POU6F2: variants seen among roughly 807,000 people sequenced by gnomAD.
POU6F2 encodes POU class 6 homeobox 2.
A neutral mutation model predicts 71.3 loss-of-function variants in POU6F2; 31 were observed. That is an observed-to-expected ratio of 0.43 (90% confidence interval 0.33 to 0.59). The LOEUF (loss-of-function observed/expected upper bound fraction) is 0.59. Among genes scored for constraint, POU6F2 ranks in the 20% least tolerant of loss-of-function variants. The pLI is 0.04. For synonymous variants in POU6F2, 347 were observed against 355.7 expected, an observed-to-expected ratio of 0.98 and a Z score of 0.27; for missense variants, 783 against 856.8, an observed-to-expected ratio of 0.91 and a Z score of 1.07.
At chr7:39,078,648 G>A (rs986607547) in intron 1 of POU6F2, among the ~76,000 whole-genome samples, 2 of 152,178 alleles carry the variant, frequency 1.3e-5, no homozygotes, top group Admixed American at 6.5e-5. Flanking sequence ...AACCTGGGGC[G>A]GAGCTCACGG....
At chr7:39,270,327 G>A (rs1784318848) in intron 4 of POU6F2, among the ~76,000 whole-genome samples, 1 of 152,196 alleles carries the variant, frequency 6.6e-6, no homozygotes, top group Non-Finnish European at 1.5e-5. Flanking sequence ...GATACAGACT[G>A]AATCTTTAGA....
intron 2 of POU6F2, among the ~76,000 whole-genome samples, chr7:39,168,487 GA>G (rs1415741282): frequency 6.6e-6 from 1 of 152,178 alleles, no homozygotes; most frequent in African/African-American, 2.4e-5. Context: ...TCCCAGGGCA[GA>G]AAGTCTTGAC....
intron 1 of POU6F2, among the ~76,000 whole-genome samples, chr7:38,988,740 C>T (rs778464718): frequency 2.5e-4 from 38 of 152,164 alleles, no homozygotes; most frequent in Non-Finnish European, 3.8e-4. Flanking sequence ...AGGCTAAGGA[C>T]GTGGCGCAAG....
rs150006644 is a variant in POU6F2, at chr7:39,397,814, G to GTATATATATATATATATATATATATATA, written c.973-8766_973-8765insTATATATATATATATATATATATATATA. Among the ~76,000 whole-genome samples the GTATATATATATATATATATATATATATA allele has an allele frequency of 6.2e-4, 79 of 128,394 alleles. 1 individual carries two copies. The highest frequency in any genetic ancestry group is 2.3e-3 in the African/African-American group (71 of 30,616). 84.2% of individuals were successfully genotyped at this position (128,394 alleles called of 152,430 possible). A position where few individuals can be genotyped will look rare whatever the true frequency, so the allele number is the denominator to read the frequency against. On this transcript the variant is annotated intron_variant, in intron 5 of 9. Transcript: ENST00000518318. ...ATAATATGTATTTTATATATTTTGT[G>GTATATATATATATATATATATATATATA]TATATATATATATATATATAGTAGA...
At chr7:39,064,991 G>A (rs1430606407) in intron 1 of POU6F2, among the ~76,000 whole-genome samples, 3 of 151,570 alleles carry the variant, frequency 2.0e-5, no homozygotes, top group South Asian at 2.1e-4. Flanking sequence ...TTAACTCATC[G>A]GTCAACTTTA....
intron 2 of POU6F2, among the ~76,000 whole-genome samples, chr7:39,141,379 A>G (rs151236845): frequency 8.5e-5 from 13 of 152,270 alleles, no homozygotes; most frequent in African/African-American, 2.9e-4. Context: ...GGCAAAGTCT[A>G]CCCTGTTCTT....
At chr7:39,400,888 C>T (rs1787283920) in intron 5 of POU6F2, among the ~76,000 whole-genome samples, 1 of 152,140 alleles carries the variant, frequency 6.6e-6, no homozygotes, top group African/African-American at 2.4e-5. Context: ...AGATGAGGTC[C>T]TTGTCATACA....
chr7:39,465,113 A>G lies in POU6F2; in HGVS notation c.*427A>G, dbSNP rs1020738664. 5.9e-6 allele frequency: 1 copy of G among 168,478 alleles called. No homozygotes were observed. Among genetic ancestry groups the G allele is most frequent in the Admixed American group, 5.6e-5 (1 of 17,712 alleles). 10.4% of individuals were successfully genotyped at this position (168,478 alleles called of 1,614,324 possible). A position where few individuals can be genotyped will look rare whatever the true frequency, so the allele number is the denominator to read the frequency against. ...CCAAAAACCAACAACGAAGGAACAA[A>G]AACTTTGATCTGTTCAAAGCGAATA... is the stretch of plus-strand genomic sequence containing the variant. On this transcript the variant is annotated 3_prime_UTR_variant, in exon 10 of 10. Coordinates refer to ENST00000518318, the MANE Select transcript of POU6F2 (RefSeq NM_001370959.1).
In POU6F2 at chr7:39,455,012, C is replaced by A. The variant is rs566344654; in HGVS notation, c.1489+3311C>A. 3.9e-5 allele frequency among the ~76,000 whole-genome samples: 6 copies of A among 152,058 alleles called. No homozygotes were observed. In the South Asian group the frequency reaches 1.2e-3, roughly 32 times the overall value. On this transcript the variant is annotated intron_variant, in intron 8 of 9. Coordinates refer to ENST00000518318, the MANE Select transcript of POU6F2 (RefSeq NM_001370959.1). The stretch of plus-strand genomic sequence containing the variant: ...AACATGCAGATTATTAGAAAATCTG[C>A]ACAATACTTATTTATAGCACCTACA...
intron 2 of POU6F2, among the ~76,000 whole-genome samples, chr7:39,165,602 G>T (rs571158641): frequency 6.6e-6 from 1 of 152,032 alleles, no homozygotes; most frequent in Non-Finnish European, 1.5e-5. Context: ...TATATGTTTC[G>T]ATAAATTAAA....
At chr7:39,088,318 C>T (rs1269951528) in intron 2 of POU6F2, among the ~76,000 whole-genome samples, 1 of 151,962 alleles carries the variant, frequency 6.6e-6, no homozygotes, top group Non-Finnish European at 1.5e-5. Context: ...CTGTTTTGCT[C>T]TTACTTTTTA....
intron 1 of POU6F2, among the ~76,000 whole-genome samples, chr7:39,007,249 G>A (rs1789100069): frequency 6.6e-6 from 1 of 152,184 alleles, no homozygotes; most frequent in African/African-American, 2.4e-5. Context: ...AAAGGTAGAT[G>A]TGGCTTTTAT....
chr7:39,080,028 T>C (rs1473040607), intron 1 of POU6F2, among the ~76,000 whole-genome samples: 1 of 152,200 alleles, frequency 6.6e-6, no homozygotes, highest in Admixed American at 6.5e-5. Flanking sequence ...TTCTTTGATC[T>C]TCCCAAATTT....
chr7:39,057,306 A>T (rs180702882), intron 1 of POU6F2, among the ~76,000 whole-genome samples: 35 of 152,276 alleles, frequency 2.3e-4, no homozygotes, highest in Admixed American at 6.5e-4. Flanking sequence ...AACAATTTTT[A>T]AAAAAATTCT....
chr7:39,142,671 G>A (rs1238237878), intron 2 of POU6F2, among the ~76,000 whole-genome samples: 5 of 152,046 alleles, frequency 3.3e-5, no homozygotes, highest in Non-Finnish European at 5.9e-5. Flanking sequence ...TCAGAAATAC[G>A]TTGAGTCCTG....
At chr7:39,215,057 G>A (rs551248845) in intron 4 of POU6F2, among the ~76,000 whole-genome samples, 165 of 152,286 alleles carry the variant, frequency 1.1e-3, no homozygotes, top group African/African-American at 3.8e-3. Flanking sequence ...TAAGAAGCAG[G>A]AAGGAGGCCG....
chr7:39,399,862 A>G (rs980183416), intron 5 of POU6F2, among the ~76,000 whole-genome samples: 3 of 97,816 alleles, frequency 3.1e-5, no homozygotes, highest in African/African-American at 1.1e-4. Flanking sequence ...GAATGTAACA[A>G]AAAAAAAAAG....
intron 4 of POU6F2, among the ~76,000 whole-genome samples, chr7:39,297,196 T>TACACACACACACACACAC (rs61192418): frequency 3.6e-5 from 5 of 139,020 alleles, no homozygotes; most frequent in East Asian, 2.1e-4. Flanking sequence ...CACATACACA[T>TACACACACACACACACAC]ACACACACAC....
chr7:39,407,382 T>G (rs1473564105), intron 6 of POU6F2, among the ~76,000 whole-genome samples: 1 of 150,914 alleles, frequency 6.6e-6, no homozygotes, highest in Non-Finnish European at 1.5e-5. Flanking sequence ...TTTCCTCATG[T>G]CATGAGAGAG....
Sources: allele counts gnomAD v4.1 joint callset (sites outside exome capture counted in the v4.1 genomes callset), GRCh38; gene constraint gnomAD v4.1.1; transcripts MANE v1.5; gene names NCBI Gene and HGNC (gene_info 2026-07-23, HGNC 2026-07-21).